The following MAP3K5 variants were observed in gnomAD, a reference collection of about 807,000 sequenced individuals.
MAP3K5 encodes the protein ASK-1.
In MAP3K5, 56 loss-of-function variants were observed where a neutral mutation model predicts 158.7. That is an observed-to-expected ratio of 0.35 (90% CI 0.28 to 0.44). The LOEUF (loss-of-function observed/expected upper bound fraction) is 0.44, where lower values mean the gene tolerates loss of function less well. Ranked by LOEUF, MAP3K5 falls within the 20% of genes least tolerant of loss-of-function variation. The pLI is 1.00. For synonymous variants in MAP3K5, 579 were observed against 601.7 expected (o/e 0.96, Z 0.55); for missense variants, 1,294 against 1,674.8 (o/e 0.77, Z 3.97).
intron 1 of MAP3K5, among the ~76,000 whole-genome samples, chr6:136,746,619 G>A (rs1228651806): frequency 6.6e-6 from 1 of 152,152 alleles, no homozygotes; most frequent in Non-Finnish European, 1.5e-5. Flanking sequence ...GAGAGAGGGA[G>A]ACAAAATCTA....
chr6:136,737,631 A>G (rs1211231931), intron 1 of MAP3K5, among the ~76,000 whole-genome samples: 2 of 152,186 alleles, frequency 1.3e-5, no homozygotes, highest in Non-Finnish European at 2.9e-5. Flanking sequence ...CATCCATCAT[A>G]GCACCATGGA....
chr6:136,683,428 G>A (rs959701419), intron 7 of MAP3K5, among the ~76,000 whole-genome samples: 2 of 152,174 alleles, frequency 1.3e-5, no homozygotes, highest in Non-Finnish European at 2.9e-5. Context: ...CCGAGTAGGG[G>A]CAGCCCAAGG....
At chr6:136,633,778 T>C (rs1389158151) in intron 14 of MAP3K5, among the ~76,000 whole-genome samples, 1 of 152,250 alleles carries the variant, frequency 6.6e-6, no homozygotes, top group African/African-American at 2.4e-5. Context: ...CATTAATAGT[T>C]ACTGTTTTGC....
chr6:136,670,301 C>T (rs1360953415), intron 7 of MAP3K5, among the ~76,000 whole-genome samples: 7 of 151,724 alleles, frequency 4.6e-5, no homozygotes, highest in African/African-American at 1.2e-4. Context: ...AAACGGGCAA[C>T]GATATTCAAT....
chr6:136,654,570 C>T (rs1373966805), intron 10 of MAP3K5, among the ~76,000 whole-genome samples: 1 of 152,132 alleles, frequency 6.6e-6, no homozygotes, highest in African/African-American at 2.4e-5. Context: ...TCTCAGCCTC[C>T]CAAATAGCTG....
At chr6:136,663,997 G>A (rs1210039204) in intron 8 of MAP3K5, among the ~76,000 whole-genome samples, 1 of 152,050 alleles carries the variant, frequency 6.6e-6, no homozygotes. Flanking sequence ...CATGGTGCAG[G>A]GTCCTCAATC....
At chr6:136,638,219 CA>C (rs201740967) in intron 13 of MAP3K5, among the ~76,000 whole-genome samples, 1 of 150,924 alleles carries the variant, frequency 6.6e-6, no homozygotes, top group Non-Finnish European at 1.5e-5. Context: ...AGTGAAAGAT[CA>C]AAAAAAAATC....
In MAP3K5 at chr6:136,580,409, G is replaced by A; in HGVS notation, c.3412-3C>T. On this transcript the variant is annotated splice_polypyrimidine_tract_variant and splice_region_variant and intron_variant, in intron 24 of 29. Transcript: ENST00000359015. The stretch of plus-strand genomic sequence containing the variant: ...TGATTCCGAAGAACTTTATTGACCT[G>A]GAGAGAGAGTGACATTTAGCCTACT... 3 of 1,589,950 alleles carry A rather than the reference G, an allele frequency of 1.9e-6. No individual in the cohort carries two copies. Among genetic ancestry groups the A allele is most frequent in the Non-Finnish European group, 2.6e-6 (3 of 1,158,644 alleles).
At chr6:136,668,441 C>G (rs1779322366) in intron 8 of MAP3K5, among the ~76,000 whole-genome samples, 1 of 152,044 alleles carries the variant, frequency 6.6e-6, no homozygotes. Flanking sequence ...CATAGCTTCA[C>G]TAAGATGAAC....
chr6:136,755,242 C>T (rs969789857), intron 1 of MAP3K5, among the ~76,000 whole-genome samples: 5 of 152,116 alleles, frequency 3.3e-5, no homozygotes, highest in African/African-American at 1.2e-4. Flanking sequence ...CAGCCGCATC[C>T]AGCTCCTCTC....
intron 2 of MAP3K5, among the ~76,000 whole-genome samples, chr6:136,710,443 T>C (rs1302236109): frequency 6.6e-6 from 1 of 152,174 alleles, no homozygotes; most frequent in Non-Finnish European, 1.5e-5. Context: ...AAAAATTCTT[T>C]TCCTGATTTT....
intron 26 of MAP3K5, among the ~76,000 whole-genome samples, chr6:136,563,748 C>G (rs1043809352): frequency 1.3e-5 from 2 of 152,134 alleles, no homozygotes; most frequent in Non-Finnish European, 2.9e-5. Context: ...AAGAGGTGCT[C>G]TAATTTTTTA....
chr6:136,769,348 A>C (rs1377180493), intron 1 of MAP3K5, among the ~76,000 whole-genome samples: 2 of 152,146 alleles, frequency 1.3e-5, no homozygotes. Context: ...GGCTGGGTGA[A>C]GGGAGATATG....
chr6:136,710,848 T>C (rs1781276474), intron 2 of MAP3K5, among the ~76,000 whole-genome samples: 1 of 152,152 alleles, frequency 6.6e-6, no homozygotes, highest in South Asian at 2.1e-4. Flanking sequence ...TCTGTCCTAG[T>C]GGAACTTGGC....
chr6:136,663,818 G>A (rs1779113687), intron 8 of MAP3K5, among the ~76,000 whole-genome samples: 1 of 151,906 alleles, frequency 6.6e-6, no homozygotes, highest in Non-Finnish European at 1.5e-5. Flanking sequence ...TCATCATGTT[G>A]GGCAGGCTGA....
intron 10 of MAP3K5, among the ~76,000 whole-genome samples, chr6:136,652,557 G>C (rs1778566165): frequency 6.6e-6 from 1 of 152,078 alleles, no homozygotes; most frequent in African/African-American, 2.4e-5. Flanking sequence ...CAATGTATAT[G>C]AAATCAAAAC....
At chr6:136,721,903 T>C (rs188346887) in intron 1 of MAP3K5, among the ~76,000 whole-genome samples, 74 of 152,244 alleles carry the variant, frequency 4.9e-4, no homozygotes, top group African/African-American at 1.7e-3. Context: ...AAATTAAAAA[T>C]ATAAGGGCAT....
chr6:136,580,844 T>C (rs1415360760), intron 24 of MAP3K5, among the ~76,000 whole-genome samples: 1 of 152,142 alleles, frequency 6.6e-6, no homozygotes, highest in Admixed American at 6.6e-5. Flanking sequence ...AGACACGGTC[T>C]TGCTCTGTCA....
intron 21 of MAP3K5, among the ~76,000 whole-genome samples, chr6:136,594,414 A>G (rs894461655): frequency 2.0e-5 from 3 of 152,202 alleles, no homozygotes; most frequent in African/African-American, 7.2e-5. Context: ...TAGAGTCAAC[A>G]TCTCGCTATT....
Sources: allele counts gnomAD v4.1 joint callset (sites outside exome capture counted in the v4.1 genomes callset), GRCh38; gene constraint gnomAD v4.1.1; transcripts MANE v1.5; gene names NCBI Gene and HGNC (gene_info 2026-07-23, HGNC 2026-07-21).